Variants in A2M observed in about 807,000 individuals in gnomAD.
A2M encodes C3 and PZP-like alpha-2-macroglobulin domain-containing protein 5.
A2M carries 128 observed loss-of-function variants against 183.9 expected under a neutral mutation model. The observed-to-expected ratio is 0.70, with a 90% confidence interval of 0.60 to 0.81. The LOEUF (loss-of-function observed/expected upper bound fraction) is 0.81. Ranked by LOEUF, A2M falls within the 30% of genes least tolerant of loss-of-function variation. The pLI, the probability that A2M is intolerant of heterozygous loss-of-function variation, is 0.00. For missense variants in A2M, 1,495 were observed against 1,787.6 expected (o/e 0.84, Z 2.95); for synonymous variants, 592 against 670.8 (o/e 0.88, Z 1.81).
At position 9,098,606 on chromosome 12, in the gene A2M, C is replaced by G. The variant is rs751753636; in HGVS notation, c.1851+1G>C. The G allele has an allele frequency of 1.3e-6, 2 of 1,595,022 alleles. No homozygotes were observed. Among genetic ancestry groups the G allele is most frequent in the Non-Finnish European group, 1.7e-6 (2 of 1,171,144 alleles). ...GATTCCTGAGGCTGCCAGGAACTCA[C>G]CGAGGACGCCGAGAGCTCAGCATCA... is the stretch of plus-strand genomic sequence containing the variant. On this transcript the variant is annotated splice_donor_variant, in intron 15 of 35. Transcript: ENST00000318602. LOFTEE classifies it high-confidence loss of function.
At chr12:9,089,858 T>C in intron 21 of A2M, 44 bp downstream of exon 21, 1 of 1,237,724 alleles carries the variant, frequency 8.1e-7, no homozygotes, top group Non-Finnish European at 1.1e-6. Context: ...TACCCACATA[T>C]ATTATATATT....
rs115555686 is a variant in A2M at position 9,081,946 on chromosome 12, T to C, written c.2771-1769A>G. On this transcript the variant is annotated intron_variant, in intron 22 of 35. Transcript: ENST00000318602. ...CAACTGCATAGCCCATCTGCAAAAC[T>C]GAGCTGGTCACTTTCAGAAGCATGT... 4.4e-3 allele frequency among the ~76,000 whole-genome samples: 676 copies of C among 152,306 alleles called. 9 individuals carry two copies. The highest frequency in any genetic ancestry group is 0.015 in the African/African-American group (643 of 41,566).
chr12:9,084,444 T>C (rs1948996664), intron 22 of A2M, among the ~76,000 whole-genome samples: 1 of 152,176 alleles, frequency 6.6e-6, no homozygotes, highest in East Asian at 1.9e-4. Context: ...ACATAAAATG[T>C]GTGTGGGGGA....
At chr12:9,101,322 A>G (rs1937829052) in intron 12 of A2M, 115 bp from the exon 13 acceptor site, 4 of 1,369,748 alleles carry the variant, frequency 2.9e-6, no homozygotes, top group Non-Finnish European at 4.1e-6. Flanking sequence ...CTCAAGAGAA[A>G]TCAAACTTTC....
intron 29 of A2M, among the ~76,000 whole-genome samples, chr12:9,073,545 A>G (rs2137656223): frequency 6.6e-6 from 1 of 152,298 alleles, no homozygotes; most frequent in South Asian, 2.1e-4. Context: ...CCTTTAACAA[A>G]ATTACTTAGT....
intron 17 of A2M, among the ~76,000 whole-genome samples, chr12:9,094,170 C>T (rs778859387): frequency 6.6e-5 from 10 of 151,934 alleles, no homozygotes; most frequent in Non-Finnish European, 8.8e-5. Flanking sequence ...CATGTTATGA[C>T]AGTGGCTTTG....
chr12:9,114,478 A>T (rs1938973952), intron 1 of A2M, among the ~76,000 whole-genome samples: 1 of 152,194 alleles, frequency 6.6e-6, no homozygotes, highest in African/African-American at 2.4e-5. Flanking sequence ...TAAACACTGT[A>T]GTATAAGATA....
At chr12:9,087,426 A>G (rs1037576811) in intron 22 of A2M, among the ~76,000 whole-genome samples, 1 of 152,156 alleles carries the variant, frequency 6.6e-6, no homozygotes, top group Admixed American at 6.5e-5. Flanking sequence ...CAAATATTGC[A>G]TGTTCTCATT....
In A2M at chr12:9,112,395, A is replaced by G. The variant is rs777238221; in HGVS notation, c.412T>C (p.Tyr138His). 1 of 1,613,856 alleles carries G rather than the reference A, an allele frequency of 6.2e-7. No individual in the cohort carries two copies. Among genetic ancestry groups the G allele is most frequent in the Non-Finnish European group, 8.5e-7 (1 of 1,179,796 alleles). The change falls in exon 3 of 36, where the codon TAC becomes CAC. Residue 138 changes from tyrosine (Y) to histidine (H), a missense_variant. Coordinates refer to ENST00000318602, the MANE Select transcript of A2M (RefSeq NM_000014.6). ...TTCATACCTGTCTGCCCTGGTTTGT[A>G]GATTGATTTGTCTGTCTGGACAAAG... ...LVFVQTDKSI[Y>H]KPGQTVKFRV... is the part of the protein sequence containing the mutation.
At chr12:9,080,198 G>C (rs779924661) in intron 22 of A2M, 21 bp from the exon 23 acceptor site, 1 of 1,490,424 alleles carries the variant, frequency 6.7e-7, no homozygotes, top group South Asian at 1.2e-5. Context: ...AAGCAAATCA[G>C]ACATATGAAA....
intron 22 of A2M, among the ~76,000 whole-genome samples, chr12:9,085,712 A>G (rs1949033548): frequency 6.6e-6 from 1 of 152,062 alleles, no homozygotes; most frequent in Admixed American, 6.6e-5. Flanking sequence ...GATCAATGAA[A>G]CTGAATTGTT....
At chr12:9,071,067 G>A (rs370068750) in intron 31 of A2M, among the ~76,000 whole-genome samples, 2 of 151,994 alleles carry the variant, frequency 1.3e-5, no homozygotes, top group Non-Finnish European at 2.9e-5. Flanking sequence ...TAATCTGCCC[G>A]CCTTGGCCTC....
chr12:9,076,575 T>A (rs1191701411), intron 28 of A2M, among the ~76,000 whole-genome samples, 181 bp downstream of exon 28: 1 of 152,234 alleles, frequency 6.6e-6, no homozygotes, highest in African/African-American at 2.4e-5. Flanking sequence ...TCTTGTCTTC[T>A]GATTTCTGAT....
intron 10 of A2M, among the ~76,000 whole-genome samples, chr12:9,104,753 TAGAG>T: frequency 6.6e-6 from 1 of 152,292 alleles, no homozygotes; most frequent in East Asian, 1.9e-4. Flanking sequence ...ATATAACTCT[TAGAG>T]AGTCACAGAG....
At chr12:9,101,769 T>A in intron 11 of A2M, 95 bp from the exon 12 acceptor site, 2 of 954,910 alleles carry the variant, frequency 2.1e-6, no homozygotes, top group Non-Finnish European at 3.1e-6. Context: ...CTACCTTAAC[T>A]AGTAGCTAGA....
chr12:9,083,349 C>A (rs181799828), intron 22 of A2M, among the ~76,000 whole-genome samples: 1 of 151,544 alleles, frequency 6.6e-6, no homozygotes, highest in African/African-American at 2.4e-5. Context: ...TGTAATAAAC[C>A]TGCACATTGT....
chr12:9,099,560 G>A, intron 13 of A2M, 37 bp from the exon 14 acceptor site: 3 of 1,577,182 alleles, frequency 1.9e-6, no homozygotes, highest in Non-Finnish European at 2.6e-6. Context: ...GCCATCATAG[G>A]TTAATGACTA....
intron 29 of A2M, 105 bp downstream of exon 29, chr12:9,074,455 G>T: frequency 1.8e-6 from 2 of 1,134,156 alleles, no homozygotes; most frequent in Middle Eastern, 2.4e-4. Flanking sequence ...CTCATTTCAA[G>T]TTACTGTCAT....
chr12:9,083,386 T>TAA (rs777468305), intron 22 of A2M, among the ~76,000 whole-genome samples: 2,494 of 141,488 alleles, frequency 0.018, 72 homozygotes, highest in African/African-American at 0.062. Flanking sequence ...ACTTAAAGTA[T>TAA]AAAAAAAAAA....
Sources: allele counts gnomAD v4.1 joint callset (sites outside exome capture counted in the v4.1 genomes callset), GRCh38; gene constraint gnomAD v4.1.1; transcripts MANE v1.5; gene names NCBI Gene and HGNC (gene_info 2026-07-23, HGNC 2026-07-21).